Variants in ADGRB3 observed in about 807,000 individuals in gnomAD.
ADGRB3 encodes the protein brain-specific angiogenesis inhibitor 3.
A neutral mutation model predicts 193.4 loss-of-function variants in ADGRB3; 37 were observed. The ratio of observed to expected loss-of-function variants is 0.19; its 90% confidence interval spans 0.15 to 0.25. The LOEUF is 0.25. ADGRB3 is among the 10% of genes least tolerant of loss of function. The pLI, the probability that ADGRB3 is intolerant of heterozygous loss-of-function variation, is 1.00. For synonymous variants in ADGRB3, 690 were observed against 644.2 expected, an observed-to-expected ratio of 1.07 and a Z score of -1.08; for missense variants, 1,637 against 1,852.9, an observed-to-expected ratio of 0.88 and a Z score of 2.14.
chr6:69,372,042 T>A (rs1769718115), intron 29 of ADGRB3, among the ~76,000 whole-genome samples: 1 of 152,104 alleles, frequency 6.6e-6, no homozygotes, highest in African/African-American at 2.4e-5. Flanking sequence ...TGTTTGTCTG[T>A]AGCTTTGCTG....
At chr6:69,131,086 T>G (rs546765479) in intron 17 of ADGRB3, among the ~76,000 whole-genome samples, 9 of 152,104 alleles carry the variant, frequency 5.9e-5, no homozygotes, top group Non-Finnish European at 1.3e-4. Flanking sequence ...ATATAGCCAT[T>G]AATTATTTCA....
chr6:68,894,045 G>A (rs543183352), intron 3 of ADGRB3, among the ~76,000 whole-genome samples: 12 of 151,900 alleles, frequency 7.9e-5, no homozygotes, highest in African/African-American at 2.9e-4. Context: ...ACTATAAAAA[G>A]TAATCCTGCT....
At chr6:69,146,479 G>T (rs755551060) in intron 17 of ADGRB3, among the ~76,000 whole-genome samples, 2 of 152,192 alleles carry the variant, frequency 1.3e-5, no homozygotes, top group Admixed American at 6.5e-5. Context: ...AGAGGGTGGG[G>T]CTCCTGCCTG....
chr6:69,119,703 G>A (rs907113948), intron 17 of ADGRB3, among the ~76,000 whole-genome samples: 2 of 152,214 alleles, frequency 1.3e-5, no homozygotes, highest in African/African-American at 4.8e-5. Context: ...AGACCTGTAT[G>A]GCTGGAGTGC....
chr6:69,067,935 T>C (rs1020541028), intron 16 of ADGRB3, among the ~76,000 whole-genome samples: 26 of 151,976 alleles, frequency 1.7e-4, no homozygotes, highest in Non-Finnish European at 3.7e-4. Flanking sequence ...GAGCAGGGGG[T>C]CAGCAAACTT....
intron 3 of ADGRB3, among the ~76,000 whole-genome samples, chr6:68,922,764 C>A (rs1373949526): frequency 6.6e-6 from 1 of 152,106 alleles, no homozygotes; most frequent in East Asian, 1.9e-4. Flanking sequence ...ATTTTTCCAC[C>A]CCTCCACGTT....
chr6:69,090,282 C>T (rs1772668367), intron 17 of ADGRB3, among the ~76,000 whole-genome samples: 1 of 152,142 alleles, frequency 6.6e-6, no homozygotes, highest in Admixed American at 6.5e-5. Flanking sequence ...ATCTCTGGGA[C>T]CTTGTCTGTT....
intron 11 of ADGRB3, among the ~76,000 whole-genome samples, chr6:68,998,241 G>T (rs900417787): frequency 9.2e-5 from 14 of 152,148 alleles, no homozygotes; most frequent in African/African-American, 3.4e-4. Context: ...AGCCACTGCA[G>T]TTTAAGTTCT....
chr6:69,128,850 TG>T (rs1773924387), intron 17 of ADGRB3, among the ~76,000 whole-genome samples: 3 of 152,278 alleles, frequency 2.0e-5, no homozygotes, highest in Admixed American at 2.0e-4. Flanking sequence ...TTTGCCTGAA[TG>T]AAAACCTAAG....
intron 3 of ADGRB3, among the ~76,000 whole-genome samples, chr6:68,854,134 C>T (rs1304355497): frequency 2.0e-5 from 3 of 152,122 alleles, no homozygotes; most frequent in Non-Finnish European, 4.4e-5. Context: ...GCTCTATGTG[C>T]ACAGGCTCCA....
At chr6:68,747,427 A>G (rs1766106274) in intron 3 of ADGRB3, among the ~76,000 whole-genome samples, 1 of 152,242 alleles carries the variant, frequency 6.6e-6, no homozygotes, top group African/African-American at 2.4e-5. Context: ...ATCAATTGAT[A>G]AAGAACTTTT....
At chr6:69,248,177 C>T (rs1010153131) in intron 20 of ADGRB3, among the ~76,000 whole-genome samples, 11 of 152,138 alleles carry the variant, frequency 7.2e-5, no homozygotes, top group Admixed American at 7.2e-4. Flanking sequence ...CATCTTTCCC[C>T]TTCTTGGGAC....
chr6:69,320,323 T>C (rs1768418850), intron 20 of ADGRB3, among the ~76,000 whole-genome samples: 2 of 151,494 alleles, frequency 1.3e-5, no homozygotes, highest in East Asian at 3.9e-4. Flanking sequence ...TTTAGACTTA[T>C]TATTTTCTTT....
rs116641607 is a variant in ADGRB3 at position 69,092,311 on chromosome 6, T to C, written c.2480+16273T>C. On this transcript the variant is annotated intron_variant, in intron 17 of 31. Coordinates refer to ENST00000370598, the MANE Select transcript of ADGRB3 (RefSeq NM_001704.3). Reference sequence around the variant, plus strand: ...TTCCATTGTCTATTTTGGGGAAAGATAGAAACAGTAAACTGACCCCATATT... The same window carrying C: ...TTCCATTGTCTATTTTGGGGAAAGACAGAAACAGTAAACTGACCCCATATT... Among the ~76,000 whole-genome samples the C allele has an allele frequency of 3.3e-3, 496 of 152,326 alleles. 2 individuals are homozygous for C. The highest frequency in any genetic ancestry group is 0.012 in the African/African-American group (480 of 41,586).
chr6:68,808,155 T>C (rs1767442915), intron 3 of ADGRB3, among the ~76,000 whole-genome samples: 1 of 152,174 alleles, frequency 6.6e-6, no homozygotes, highest in Admixed American at 6.5e-5. Context: ...TCTTACACAA[T>C]AGATTGTTCC....
chr6:68,825,873 A>G (rs1339631098), intron 3 of ADGRB3, among the ~76,000 whole-genome samples: 1 of 151,892 alleles, frequency 6.6e-6, no homozygotes, highest in Admixed American at 6.5e-5. Context: ...TTTTTCCTTT[A>G]TAAATTACCC....
intron 3 of ADGRB3, among the ~76,000 whole-genome samples, chr6:68,793,195 C>T (rs148723525): frequency 1.3e-5 from 2 of 152,176 alleles, no homozygotes; most frequent in African/African-American, 2.4e-5. Flanking sequence ...GTAAACTGTT[C>T]GTGCATCTCA....
chr6:69,115,194 C>G (rs1773495279), intron 17 of ADGRB3, among the ~76,000 whole-genome samples: 1 of 152,128 alleles, frequency 6.6e-6, no homozygotes, highest in Non-Finnish European at 1.5e-5. Flanking sequence ...TGGAACCAAC[C>G]CAAATTCCCA....
At chr6:69,332,435 A>G (rs1056466585) in intron 23 of ADGRB3, 12 of 985,288 alleles carry the variant, frequency 1.2e-5, no homozygotes, top group Non-Finnish European at 1.4e-5. Flanking sequence ...GAAAAGAATA[A>G]CCACACAGCA....
Sources: gnomAD v4.1 joint callset for allele counts (sites outside exome capture counted in the v4.1 genomes callset) on GRCh38, gnomAD v4.1.1 for gene constraint, MANE v1.5 for transcripts, NCBI Gene and HGNC (gene_info 2026-07-23, HGNC 2026-07-21) for gene names.